ABHD6: variants seen among roughly 807,000 people sequenced by gnomAD.
ABHD6 encodes the protein abhydrolase domain containing 6, acylglycerol lipase.
ABHD6 carries 33 observed loss-of-function variants against 38.8 expected under a neutral mutation model. The ratio of observed to expected loss-of-function variants is 0.85; its 90% CI spans 0.64 to 1.14. ABHD6 has a LOEUF of 1.14. Among genes scored for constraint, ABHD6 ranks in the 50% most tolerant of loss-of-function variants. The probability of loss-of-function intolerance (pLI) is 0.00; values close to 1 mark genes in which losing one functional copy is unlikely to be tolerated. For synonymous variants in ABHD6, 147 were observed against 161.6 expected, an observed-to-expected ratio of 0.91 and a Z score of 0.69; for missense variants, 380 against 422.6, an observed-to-expected ratio of 0.90 and a Z score of 0.88.
chr3:58,280,989 G>C (rs997033339), intron 7 of ABHD6, among the ~76,000 whole-genome samples: 2 of 152,062 alleles, frequency 1.3e-5, no homozygotes, highest in Non-Finnish European at 2.9e-5. Flanking sequence ...AGGGGCACCC[G>C]GCCGTATGAG....
chr3:58,270,728 G>A (rs564996145), intron 5 of ABHD6, among the ~76,000 whole-genome samples: 13 of 152,252 alleles, frequency 8.5e-5, no homozygotes, highest in African/African-American at 2.9e-4. Flanking sequence ...ATTTATAAAT[G>A]ACCTCTCAAT....
chr3:58,242,913 AC>A (rs2097423816), intron 1 of ABHD6, among the ~76,000 whole-genome samples: 1 of 151,218 alleles, frequency 6.6e-6, no homozygotes, highest in Admixed American at 6.6e-5. Context: ...AATGTTCCCC[AC>A]CCTGTGTCCA....
chr3:58,265,012 G>C lies in ABHD6; in HGVS notation c.120-2177G>C, dbSNP rs1467907736. Among the ~76,000 whole-genome samples, 1 of 142,196 alleles carries C rather than the reference G, an allele frequency of 7.0e-6. No homozygotes were observed. The highest frequency in any genetic ancestry group is 2.6e-5 in the African/African-American group (1 of 37,936). The allele number at this position is 142,196 out of a possible 152,430, so 93.3% of individuals were successfully genotyped here. ...CTTATTCATTCTTTCTATTTTTTTT[G>C]TACCCATTAACCATCCCCACTTCTC... On this transcript the variant is annotated intron_variant, in intron 3 of 9. Coordinates refer to ENST00000478253, the MANE Select transcript of ABHD6 (RefSeq NM_001320126.2). The surrounding 1 kb of genome is among the most constrained non-coding windows in gnomAD (Gnocchi z 4.2).
intron 2 of ABHD6, among the ~76,000 whole-genome samples, chr3:58,254,918 A>C (rs1355225474): frequency 6.6e-6 from 1 of 151,800 alleles, no homozygotes; most frequent in Non-Finnish European, 1.5e-5. Flanking sequence ...AGGTCTTGCC[A>C]TGTTGCCTAG....
rs2097438179 is a variant in ABHD6 at position 58,263,090 on chromosome 3, C to A, written c.120-4099C>A. 6.6e-6 allele frequency among the ~76,000 whole-genome samples: 1 copy of A among 152,206 alleles called. No individual in the cohort carries two copies. Among genetic ancestry groups the A allele is most frequent in the African/African-American group, 2.4e-5 (1 of 41,448 alleles). On this transcript the variant is annotated intron_variant, in intron 3 of 9. Coordinates refer to ENST00000478253, the MANE Select transcript of ABHD6 (RefSeq NM_001320126.2). This position sits in a 1 kb window ranked among gnomAD's most constrained non-coding sequence, Gnocchi z 4.9. Reference sequence around the variant, plus strand: ...AGGCGTGGTGGCACGCGCCTGTAGTCCCAGCTACTTGGGAGGCTGAAGTGG... The same window carrying A: ...AGGCGTGGTGGCACGCGCCTGTAGTACCAGCTACTTGGGAGGCTGAAGTGG...
rs1480700871 is a variant in ABHD6 at position 58,256,098 on chromosome 3, C to CACACACAG, written c.-25-457_-25-456insGACACACA. The stretch of plus-strand genomic sequence containing the variant: ...ACCAACACACACACACACACACACA[C>CACACACAG]ACACACACACATACACACACTACTT... On this transcript the variant is annotated intron_variant, in intron 2 of 9. Coordinates refer to ENST00000478253, the MANE Select transcript of ABHD6 (RefSeq NM_001320126.2). This position sits in a 1 kb window ranked among gnomAD's most constrained non-coding sequence, Gnocchi z 4.3. Among the ~76,000 whole-genome samples, 3 of 98,306 alleles carry CACACACAG rather than the reference C, an allele frequency of 3.1e-5. No individual in the cohort carries two copies. The highest frequency in any genetic ancestry group is 1.8e-4 in the African/African-American group (3 of 16,362). 64.5% of individuals were successfully genotyped at this position (98,306 alleles called of 152,430 possible). A position where few individuals can be genotyped will look rare whatever the true frequency, so the allele number is the denominator to read the frequency against.
Position 58,256,396 on chromosome 3 carries a change from T to A in ABHD6, c.-25-166T>A, listed in dbSNP as rs1327593710. ...CCTCTGAAAAGTTCCTCATTACTTT[T>A]AGTTGTCATGTCTATTTGGTTTTTT... is the stretch of plus-strand genomic sequence containing the variant. On this transcript the variant is annotated intron_variant, in intron 2 of 9. Coordinates refer to ENST00000478253, the MANE Select transcript of ABHD6 (RefSeq NM_001320126.2). The surrounding 1 kb of genome is among the most constrained non-coding windows in gnomAD (Gnocchi z 4.3). Among the ~76,000 whole-genome samples, 1 of 152,230 alleles carries A rather than the reference T, an allele frequency of 6.6e-6. No individual in the cohort carries two copies. The highest frequency in any genetic ancestry group is 1.5e-5 in the Non-Finnish European group (1 of 68,048).
rs1032455477 is a variant in ABHD6 at position 58,263,951 on chromosome 3, A to G, written c.120-3238A>G. ...GCTCTTCCCACCTCTCTCCCCCACC[A>G]CTTCATCTGTGTATACTTAACAGTT... On this transcript the variant is annotated intron_variant, in intron 3 of 9. Transcript: ENST00000478253. The surrounding 1 kb of genome is among the most constrained non-coding windows in gnomAD (Gnocchi z 4.9). 1.3e-5 allele frequency among the ~76,000 whole-genome samples: 2 copies of G among 152,002 alleles called. No homozygotes were observed. The highest frequency in any genetic ancestry group is 4.1e-4 in the South Asian group (2 of 4,832).
At position 58,249,943 on chromosome 3, in the gene ABHD6, G is replaced by C. The variant is rs1445951453; in HGVS notation, c.-26+1G>C. The stretch of plus-strand genomic sequence containing the variant: ...GAAAGAAGGCTGTGCTCTTTGAAGA[G>C]TGAGTATGGATTTTAACCACCATAG... On this transcript the variant is annotated splice_donor_variant, in intron 2 of 9. Transcript: ENST00000478253. LOFTEE classifies it low-confidence loss of function (5UTR_SPLICE). 6.6e-6 allele frequency: 1 copy of C among 152,220 alleles called. No homozygotes were observed. The highest frequency in any genetic ancestry group is 2.4e-5 in the African/African-American group (1 of 41,458). 9.4% of individuals were successfully genotyped at this position (152,220 alleles called of 1,614,324 possible).
chr3:58,284,987 A>G, intron 7 of ABHD6, 98 bp from the exon 8 acceptor site: 5 of 1,131,982 alleles, frequency 4.4e-6, no homozygotes, highest in Non-Finnish European at 6.7e-6. Flanking sequence ...AGTGCAATAA[A>G]TTGCTGGACC....
intron 3 of ABHD6, among the ~76,000 whole-genome samples, chr3:58,261,836 T>C (rs191569700): frequency 6.1e-4 from 93 of 152,330 alleles, no homozygotes; most frequent in African/African-American, 2.2e-3. Flanking sequence ...CCAGCAATTC[T>C]ACTTATGAGT....
chr3:58,249,868 G>T lies in ABHD6; in HGVS notation c.-90-10G>T, dbSNP rs1483685659. ...TTAATTCTTTGTCATTTTATTTCTTGTGATTCCAGAATCTCATTTTCAGCT... is the reference window on the plus strand; with the variant it reads ...TTAATTCTTTGTCATTTTATTTCTTTTGATTCCAGAATCTCATTTTCAGCT... On this transcript the variant is annotated splice_polypyrimidine_tract_variant and intron_variant, in intron 1 of 9. Transcript: ENST00000478253. The T allele has an allele frequency of 1.3e-5, 2 of 152,134 alleles. No homozygotes were observed. The highest frequency in any genetic ancestry group is 2.9e-5 in the Non-Finnish European group (2 of 68,030). 9.4% of individuals were successfully genotyped at this position (152,134 alleles called of 1,614,324 possible).
chr3:58,261,609 A>G (rs2097437015), intron 3 of ABHD6, among the ~76,000 whole-genome samples: 1 of 152,138 alleles, frequency 6.6e-6, no homozygotes. Context: ...TGCCCTCCCA[A>G]AGCTCTGGGA....
At position 58,285,201 on chromosome 3, in the gene ABHD6, T is replaced by C; in HGVS notation, c.736+62T>C. 1 of 1,573,880 alleles carries C rather than the reference T, an allele frequency of 6.4e-7. No individual in the cohort carries two copies. The highest frequency in any genetic ancestry group is 8.7e-7 in the Non-Finnish European group (1 of 1,143,456). ...AGTGAAGCTCTGTGGATGGATGGCT[T>C]TTATTTCTTAAATCTCTGACACTTT... On this transcript the variant is annotated intron_variant, in intron 8 of 9. Coordinates refer to ENST00000478253, the MANE Select transcript of ABHD6 (RefSeq NM_001320126.2). This position sits in a 1 kb window ranked among gnomAD's most constrained non-coding sequence, Gnocchi z 4.9.
At chr3:58,248,235 G>T (rs1047140804) in intron 1 of ABHD6, among the ~76,000 whole-genome samples, 1 of 152,052 alleles carries the variant, frequency 6.6e-6, no homozygotes, top group Admixed American at 6.6e-5. Context: ...GTATTTAGTG[G>T]CTATATATGT....
chr3:58,288,178 T>G (rs972812085), intron 9 of ABHD6, among the ~76,000 whole-genome samples: 1 of 152,196 alleles, frequency 6.6e-6, no homozygotes. Context: ...TCACAGCCTT[T>G]TGCCTCCCAA....
chr3:58,250,257 C>T (rs2097429013), intron 2 of ABHD6, among the ~76,000 whole-genome samples: 1 of 152,140 alleles, frequency 6.6e-6, no homozygotes, highest in Non-Finnish European at 1.5e-5. Flanking sequence ...CTTGAACAGG[C>T]TCTGAAGGCA....
rs1026708300 is a variant in ABHD6 at position 58,263,313 on chromosome 3, C to G, written c.120-3876C>G. Among the ~76,000 whole-genome samples, 2 of 151,740 alleles carry G rather than the reference C, an allele frequency of 1.3e-5. No homozygotes were observed. The highest frequency in any genetic ancestry group is 4.8e-5 in the African/African-American group (2 of 41,278). On this transcript the variant is annotated intron_variant, in intron 3 of 9. Transcript: ENST00000478253. The surrounding 1 kb of genome is among the most constrained non-coding windows in gnomAD (Gnocchi z 4.9). ...GCTGAGGCGGGAGAATCACTTGAACCCGGGAGGTGGAGGTTGCAGTGAACT... is the reference window on the plus strand; with the variant it reads ...GCTGAGGCGGGAGAATCACTTGAACGCGGGAGGTGGAGGTTGCAGTGAACT...
intron 9 of ABHD6, among the ~76,000 whole-genome samples, chr3:58,290,984 G>A (rs1204285399): frequency 6.6e-6 from 1 of 151,896 alleles, no homozygotes; most frequent in African/African-American, 2.4e-5. Context: ...GGTGGCGGCC[G>A]GGCAGAGGCT....
Sources: gnomAD v4.1 joint callset for allele counts (sites outside exome capture counted in the v4.1 genomes callset) on GRCh38, gnomAD v4.1.1 for gene constraint, Gnocchi (gnomAD v3.1) non-coding constraint, MANE v1.5 for transcripts, NCBI Gene and HGNC (gene_info 2026-07-23, HGNC 2026-07-21) for gene names.